The following RASAL2 variants were observed in gnomAD, a reference collection of about 807,000 sequenced individuals.
RASAL2 encodes RAS protein activator like 2, also known as ras GTPase-activating protein nGAP.
RASAL2 carries 58 observed loss-of-function variants against 128.9 expected under a neutral mutation model. That is an observed-to-expected ratio of 0.45 (90% CI 0.36 to 0.56). The LOEUF (loss-of-function observed/expected upper bound fraction) is 0.56. RASAL2 is among the 20% of genes least tolerant of loss of function. RASAL2 has a pLI of 0.00. For missense variants in RASAL2, 1,360 were observed against 1,601.6 expected (o/e 0.85, Z 2.57); for synonymous variants, 561 against 580.8 (o/e 0.97, Z 0.49).
chr1:178,428,320 T>C (rs935160450), intron 5 of RASAL2, among the ~76,000 whole-genome samples: 1 of 152,046 alleles, frequency 6.6e-6, no homozygotes, highest in Non-Finnish European at 1.5e-5. Flanking sequence ...CTGGGTTCTA[T>C]GGTATGTACA....
chr1:178,289,542 T>C (rs1325042442), intron 2 of RASAL2, among the ~76,000 whole-genome samples: 1 of 152,136 alleles, frequency 6.6e-6, no homozygotes, highest in Non-Finnish European at 1.5e-5. Context: ...CTGTAACTCT[T>C]GGGCTCAAGT....
intron 1 of RASAL2, among the ~76,000 whole-genome samples, chr1:178,134,651 G>C (rs543215299): frequency 1.4e-4 from 21 of 152,250 alleles, no homozygotes; most frequent in South Asian, 1.0e-3. Flanking sequence ...TCTGCTCAGT[G>C]GGTGCCAAAA....
chr1:178,388,309 C>T (rs568922714), intron 3 of RASAL2, among the ~76,000 whole-genome samples: 2 of 152,302 alleles, frequency 1.3e-5, no homozygotes, highest in South Asian at 4.1e-4. Flanking sequence ...TGTGCTCCAA[C>T]AAGCTGATTT....
At chr1:178,450,730 GC>G (rs1677316616) in intron 9 of RASAL2, among the ~76,000 whole-genome samples, 9 of 152,056 alleles carry the variant, frequency 5.9e-5, no homozygotes, top group Admixed American at 5.9e-4. Flanking sequence ...AATACATACT[GC>G]CATCTCTGAT....
chr1:178,368,625 ATTCT>A (rs1436659880), intron 3 of RASAL2, among the ~76,000 whole-genome samples: 32 of 150,560 alleles, frequency 2.1e-4, no homozygotes, highest in African/African-American at 6.1e-4. Context: ...ATAGTCAAAC[ATTCT>A]TTCTTTCTTT....
intron 1 of RASAL2, among the ~76,000 whole-genome samples, chr1:178,116,205 CT>C (rs1183168474): frequency 2.6e-5 from 4 of 152,220 alleles, no homozygotes; most frequent in Non-Finnish European, 5.9e-5. Context: ...GTTTACATTT[CT>C]TTTATGGAGC....
intron 1 of RASAL2, among the ~76,000 whole-genome samples, chr1:178,271,679 A>G (rs1418779850): frequency 1.3e-5 from 2 of 152,316 alleles, no homozygotes; most frequent in East Asian, 3.9e-4. Context: ...CAGTAAATGA[A>G]ACCTCTGTTC....
intron 1 of RASAL2, among the ~76,000 whole-genome samples, chr1:178,163,320 C>A (rs1368937224): frequency 6.6e-6 from 1 of 152,026 alleles, no homozygotes; most frequent in East Asian, 1.9e-4. Flanking sequence ...TTTATGATGT[C>A]CAGTTTTTCT....
At chr1:178,356,144 C>T (rs1048827188) in intron 3 of RASAL2, among the ~76,000 whole-genome samples, 5 of 137,978 alleles carry the variant, frequency 3.6e-5, no homozygotes, top group African/African-American at 1.5e-4. Flanking sequence ...CTCCTCCAGC[C>T]TGGGTAACAG....
intron 1 of RASAL2, among the ~76,000 whole-genome samples, chr1:178,278,468 A>G (rs1482279707): frequency 2.0e-5 from 3 of 152,140 alleles, no homozygotes; most frequent in Admixed American, 6.5e-5. Flanking sequence ...CTGCCTGACC[A>G]GTTTCTTCTT....
rs1475539084 is a variant in RASAL2 at position 178,319,003 on chromosome 1, A to T, written c.457+18885A>T. ...GGGCAGACCTGGTGGTGACAAAATCAGTCAGCATTTGCTTGTCTGTAAAGT... is the reference window on the plus strand; with the variant it reads ...GGGCAGACCTGGTGGTGACAAAATCTGTCAGCATTTGCTTGTCTGTAAAGT... On this transcript the variant is annotated intron_variant, in intron 3 of 17. Coordinates refer to ENST00000367649, the MANE Select transcript of RASAL2 (RefSeq NM_170692.4). Among the ~76,000 whole-genome samples, 6 of 152,290 alleles carry T rather than the reference A, an allele frequency of 3.9e-5. No homozygotes were observed. The East Asian group carries it at 7.7e-4, about 20-fold the overall frequency.
chr1:178,110,464 T>G (rs1659255166), intron 1 of RASAL2, among the ~76,000 whole-genome samples: 2 of 149,596 alleles, frequency 1.3e-5, no homozygotes, highest in Admixed American at 6.7e-5. Context: ...TCTATGTGAA[T>G]AGTTTTTATA....
chr1:178,409,769 A>G (rs1039725909), intron 4 of RASAL2, among the ~76,000 whole-genome samples: 8 of 152,336 alleles, frequency 5.3e-5, no homozygotes, highest in African/African-American at 1.9e-4. Context: ...ATATGTAAGC[A>G]GTTGCTCAGA....
intron 1 of RASAL2, among the ~76,000 whole-genome samples, chr1:178,183,004 C>T (rs1662167058): frequency 2.0e-5 from 3 of 152,110 alleles, no homozygotes; most frequent in East Asian, 3.9e-4. Context: ...TTGAATGCCA[C>T]CACTGATCTG....
intron 1 of RASAL2, among the ~76,000 whole-genome samples, chr1:178,112,908 A>C (rs1425460281): frequency 6.6e-6 from 1 of 152,082 alleles, no homozygotes; most frequent in Admixed American, 6.5e-5. Context: ...TTAAAGTATA[A>C]TAGTAAAAGA....
At chr1:178,404,668 C>T (rs189924560) in intron 4 of RASAL2, among the ~76,000 whole-genome samples, 5 of 147,694 alleles carry the variant, frequency 3.4e-5, no homozygotes, top group Admixed American at 2.8e-4. Context: ...CGTGAGCAAC[C>T]GCACCTGGCC....
chr1:178,250,837 T>G (rs1269252565), intron 1 of RASAL2, among the ~76,000 whole-genome samples: 1 of 152,180 alleles, frequency 6.6e-6, no homozygotes, highest in Non-Finnish European at 1.5e-5. Context: ...TTTTGAAATT[T>G]AAAGACCATA....
At chr1:178,206,606 C>T (rs1663057831) in intron 1 of RASAL2, among the ~76,000 whole-genome samples, 1 of 152,308 alleles carries the variant, frequency 6.6e-6, no homozygotes, top group Admixed American at 6.5e-5. Context: ...TCATCACTGT[C>T]TTCTTTATCA....
chr1:178,253,286 C>G (rs971342632), intron 1 of RASAL2, among the ~76,000 whole-genome samples: 2 of 152,094 alleles, frequency 1.3e-5, no homozygotes, highest in African/African-American at 4.8e-5. Context: ...AGATTTCAGA[C>G]TCACCGTACT....
Sources: gnomAD v4.1 joint callset for allele counts (sites outside exome capture counted in the v4.1 genomes callset) on GRCh38, gnomAD v4.1.1 for gene constraint, MANE v1.5 for transcripts, NCBI Gene and HGNC (gene_info 2026-07-23, HGNC 2026-07-21) for gene names.